Variants in AGO2 observed in about 807,000 individuals in gnomAD.
AGO2 encodes the protein argonaute RISC catalytic component 2.
Under a neutral mutation model 102.3 loss-of-function variants are expected in AGO2, and 5 were observed. The observed-to-expected ratio is 0.05, with a 90% CI of 0.03 to 0.10. AGO2 has a LOEUF of 0.10. Ranked by LOEUF, AGO2 falls within the 10% of genes least tolerant of loss-of-function variation. AGO2 has a pLI of 1.00. For missense variants in AGO2, 541 were observed against 1,183.7 expected, an observed-to-expected ratio of 0.46 and a Z score of 7.97; for synonymous variants, 449 against 473.1, an observed-to-expected ratio of 0.95 and a Z score of 0.66.
In AGO2 at chr8:140,531,897, G is replaced by A. The variant is rs888341206; in HGVS notation, c.*147C>T. 4.3e-6 allele frequency: 3 copies of A among 694,458 alleles called. No homozygotes were observed. Among genetic ancestry groups the A allele is most frequent in the African/African-American group, 3.5e-5 (2 of 56,828 alleles). 43.0% of individuals were successfully genotyped at this position (694,458 alleles called of 1,614,324 possible). On this transcript the variant is annotated 3_prime_UTR_variant, in exon 19 of 19. Coordinates refer to ENST00000220592, the MANE Select transcript of AGO2 (RefSeq NM_012154.5). ...CCAAGTTTGAAATCTGGGACGGAAG[G>A]CATTCTGGAAAACGGAGAATCTAAT...
At chr8:140,602,112 T>C (rs1216804308) in intron 1 of AGO2, among the ~76,000 whole-genome samples, 1 of 152,236 alleles carries the variant, frequency 6.6e-6, no homozygotes, top group Non-Finnish European at 1.5e-5. Flanking sequence ...TCCATCGCAA[T>C]GAGCACATCC....
At chr8:140,561,033 G>A (rs572487206) in intron 4 of AGO2, among the ~76,000 whole-genome samples, 1 of 152,234 alleles carries the variant, frequency 6.6e-6, no homozygotes, top group Admixed American at 6.5e-5. Flanking sequence ...GGTAGGCTCC[G>A]AGGCCCCGGA....
chr8:140,613,157 G>A (rs541196322), intron 1 of AGO2, among the ~76,000 whole-genome samples: 8 of 152,158 alleles, frequency 5.3e-5, no homozygotes, highest in Non-Finnish European at 7.4e-5. Context: ...CCGAGATAGC[G>A]CCACTGCACT....
In AGO2 at chr8:140,599,282, G is replaced by A. The variant is rs2073894750; in HGVS notation, c.23-13971C>T. Among the ~76,000 whole-genome samples the A allele has an allele frequency of 2.0e-5, 3 of 152,154 alleles. No homozygotes were observed. The South Asian group carries it at 6.2e-4, about 32-fold the overall frequency. ...GTCGCTGTGGTTTCTTAACCAGAACGCAAAATCCTGTGACCAGGATTATCA... is the reference window on the plus strand; with the variant it reads ...GTCGCTGTGGTTTCTTAACCAGAACACAAAATCCTGTGACCAGGATTATCA... On this transcript the variant is annotated intron_variant, in intron 1 of 18. Transcript: ENST00000220592.
intron 2 of AGO2, among the ~76,000 whole-genome samples, chr8:140,579,856 C>T (rs540915651): frequency 6.6e-6 from 1 of 152,370 alleles, no homozygotes; most frequent in South Asian, 2.1e-4. Context: ...AGTCACAGAG[C>T]TCTAGGCGCA....
intron 1 of AGO2, among the ~76,000 whole-genome samples, chr8:140,625,314 C>T (rs1187810416): frequency 2.0e-5 from 3 of 152,170 alleles, no homozygotes; most frequent in Non-Finnish European, 4.4e-5. Context: ...CCACGTTAGC[C>T]AGGCTGGCCT....
intron 13 of AGO2, 107 bp downstream of exon 13, chr8:140,547,361 C>T (rs1183663005): frequency 1.5e-6 from 2 of 1,375,710 alleles, no homozygotes; most frequent in Non-Finnish European, 2.0e-6. Flanking sequence ...GTGCTGGGCC[C>T]AGGTGAAGGG....
rs373313135 is a variant in AGO2 at position 140,526,211 on chromosome 8, C to T, written c.*5833G>A. 4 of 152,134 alleles carry T rather than the reference C, an allele frequency of 2.6e-5. No homozygotes were observed. The highest frequency in any genetic ancestry group is 1.9e-4 in the East Asian group (1 of 5,190). 9.4% of individuals were successfully genotyped at this position (152,134 alleles called of 1,614,324 possible). On this transcript the variant is annotated 3_prime_UTR_variant, in exon 19 of 19. Coordinates refer to ENST00000220592, the MANE Select transcript of AGO2 (RefSeq NM_012154.5). The surrounding 1 kb of genome is among the most constrained non-coding windows in gnomAD (Gnocchi z 5.2). ...AGAGTGTATAAAAGAGAGGAGAGGA[C>T]AGAGGAGGCCATTTTCAACCCATTT...
Position 140,584,136 on chromosome 8 carries a change from T to TAA in AGO2, c.215+981_215+982dup, listed in dbSNP as rs11361657. On this transcript the variant is annotated intron_variant, in intron 2 of 18. Transcript: ENST00000220592. ...AATAACAAAAAGACAAGAAACTCAG[T>TAA]AAAAAAAAAAAAAAAAACAAAACAG... is the stretch of plus-strand genomic sequence containing the variant. Among the ~76,000 whole-genome samples the TAA allele has an allele frequency of 4.6e-3, 533 of 116,978 alleles. 5 individuals carry two copies. The highest frequency in any genetic ancestry group is 0.017 in the African/African-American group (503 of 29,966). 76.7% of individuals were successfully genotyped at this position (116,978 alleles called of 152,430 possible). A position where few individuals can be genotyped will look rare whatever the true frequency, so the allele number is the denominator to read the frequency against.
At chr8:140,578,978 TA>T (rs2073509337) in intron 2 of AGO2, among the ~76,000 whole-genome samples, 1 of 152,268 alleles carries the variant, frequency 6.6e-6, no homozygotes, top group South Asian at 2.1e-4. Flanking sequence ...GCTTTTGCCT[TA>T]ATACATTCTC....
intron 1 of AGO2, among the ~76,000 whole-genome samples, chr8:140,595,738 ATATATTATATATAATTGTATATACAAT>A (rs1228848335): frequency 0.39 from 49,249 of 125,048 alleles, 11,327 homozygotes; most frequent in Non-Finnish European, 0.48. Flanking sequence ...TGTAAATGTT[ATATATTATATATAATTGTATATACAAT>A]TATATTATAT....
chr8:140,558,851 A>G (rs1387889385), intron 6 of AGO2, among the ~76,000 whole-genome samples: 1 of 152,198 alleles, frequency 6.6e-6, no homozygotes, highest in East Asian at 1.9e-4. Flanking sequence ...CATCGTGATA[A>G]CACGGGGTAC....
chr8:140,576,275 C>T (rs1285904696), intron 2 of AGO2, among the ~76,000 whole-genome samples: 2 of 152,174 alleles, frequency 1.3e-5, no homozygotes, highest in African/African-American at 2.4e-5. Context: ...GATTGTGCCA[C>T]TGCACTCCAG....
At chr8:140,591,288 G>T (rs932456943) in intron 1 of AGO2, among the ~76,000 whole-genome samples, 13 of 152,236 alleles carry the variant, frequency 8.5e-5, no homozygotes, top group African/African-American at 3.1e-4. Context: ...AATGGGCCAT[G>T]GGAGGCAACG....
intron 3 of AGO2, among the ~76,000 whole-genome samples, chr8:140,566,602 CTTTTT>C (rs71504806): frequency 2.0e-4 from 28 of 137,126 alleles, no homozygotes; most frequent in Non-Finnish European, 2.4e-4. Flanking sequence ...CCTTTACTTT[CTTTTT>C]TTTTTTTTTT....
the AGO2 span, among the ~76,000 whole-genome samples, chr8:140,642,004 T>G: frequency 6.6e-6 from 1 of 151,154 alleles, no homozygotes; most frequent in Non-Finnish European, 1.5e-5. Context: ...ATCACGCCAC[T>G]GTACGTCAGC....
intron 3 of AGO2, among the ~76,000 whole-genome samples, chr8:140,571,023 C>G (rs901154933): frequency 2.6e-5 from 4 of 152,142 alleles, no homozygotes; most frequent in African/African-American, 4.8e-5. Flanking sequence ...GCAAATTAAG[C>G]ACAGAACTTT....
At chr8:140,614,035 A>AAAAAAC (rs2074111905) in intron 1 of AGO2, among the ~76,000 whole-genome samples, 1 of 150,510 alleles carries the variant, frequency 6.6e-6, no homozygotes, top group Admixed American at 6.6e-5. Context: ...AAAAAAAAAA[A>AAAAAAC]AAAAAGGCCA....
At chr8:140,570,401 T>TC (rs1185899810) in intron 3 of AGO2, among the ~76,000 whole-genome samples, 2 of 151,980 alleles carry the variant, frequency 1.3e-5, no homozygotes, top group East Asian at 3.9e-4. Flanking sequence ...ATTTTTTTTT[T>TC]GTATTTTTAG....
Sources: allele counts gnomAD v4.1 joint callset (sites outside exome capture counted in the v4.1 genomes callset), GRCh38; gene constraint gnomAD v4.1.1; non-coding constraint Gnocchi (gnomAD v3.1); transcripts MANE v1.5; gene names NCBI Gene and HGNC (gene_info 2026-07-23, HGNC 2026-07-21).